The following PCDHGA5 variants were observed in gnomAD, a reference collection of about 807,000 sequenced individuals.
PCDHGA5 encodes the protein protocadherin gamma-A5.
A neutral mutation model predicts 56.7 loss-of-function variants in PCDHGA5; 36 were observed. The ratio of observed to expected loss-of-function variants is 0.64; its 90% confidence interval spans 0.49 to 0.84. PCDHGA5 has a LOEUF of 0.84. PCDHGA5 is among the 40% of genes least tolerant of loss of function. PCDHGA5 has a pLI of 0.00. For synonymous variants in PCDHGA5, 563 were observed against 520.2 expected, an observed-to-expected ratio of 1.08 and a Z score of -1.12; for missense variants, 1,305 against 1,201.5, an observed-to-expected ratio of 1.09 and a Z score of -1.27.
At chr5:141,375,298 G>A in intron 1 of PCDHGA5, 3 of 1,613,794 alleles carry the variant, frequency 1.9e-6, no homozygotes, top group Non-Finnish European at 1.7e-6. Flanking sequence ...ATCGATTAGT[G>A]ACAAATGCAG....
intron 1 of PCDHGA5, chr5:141,375,956 G>T: frequency 1.2e-6 from 2 of 1,613,506 alleles, no homozygotes; most frequent in Non-Finnish European, 1.7e-6. Flanking sequence ...GCACACGGGC[G>T]AGGTGCGCAC....
In PCDHGA5 at chr5:141,365,349, T is replaced by A; in HGVS notation, c.1019T>A (p.Val340Glu). 6.2e-7 allele frequency: 1 copy of A among 1,613,944 alleles called. No homozygotes were observed. The highest frequency in any genetic ancestry group is 8.5e-7 in the Non-Finnish European group (1 of 1,179,894). ...AAGGTGGTGGTCACAGTACAGGACGTGAATGACAATGCCCCCGAAGTGATC... is the reference window on the plus strand; with the variant it reads ...AAGGTGGTGGTCACAGTACAGGACGAGAATGACAATGCCCCCGAAGTGATC... ...SAKVVVTVQD[V>E]NDNAPEVILT... The change falls in exon 1 of 4, where the codon GTG becomes GAG. Residue 340 changes from valine (V) to glutamate (E), a missense_variant. Transcript: ENST00000518069.
rs374663576 is a variant in PCDHGA5, at chr5:141,489,905, G to T, written c.2422-4902G>T. On this transcript the variant is annotated intron_variant, in intron 1 of 3. Coordinates refer to ENST00000518069, the MANE Select transcript of PCDHGA5 (RefSeq NM_018918.3). The surrounding 1 kb of genome is among the most constrained non-coding windows in gnomAD (Gnocchi z 4.5). ...GCTGTGGATGGGGGGACCCCAGCCC[G>T]CTCAGGGACCACCCTTATCTCTGTC... The T allele has an allele frequency of 9.7e-5, 156 of 1,614,226 alleles. 3 individuals are homozygous for T. The South Asian group carries it at 1.6e-3, about 16-fold the overall frequency.
chr5:141,409,988 G>A (rs373071156), intron 1 of PCDHGA5: 43 of 1,613,160 alleles, frequency 2.7e-5, no homozygotes, highest in African/African-American at 5.3e-5. Context: ...AGCGGTGGAC[G>A]CCGACTCGGG....
Position 141,490,709 on chromosome 5 carries a change from C to T in PCDHGA5, c.2422-4098C>T. ...GACACTGGGGATAATGCCCGCCTCA[C>T]CTACTCCATTGTAGGAAATCAGGTT... On this transcript the variant is annotated intron_variant, in intron 1 of 3. Transcript: ENST00000518069. This position sits in a 1 kb window ranked among gnomAD's most constrained non-coding sequence, Gnocchi z 5.4. The T allele has an allele frequency of 1.9e-6, 3 of 1,614,218 alleles. No homozygotes were observed. Among genetic ancestry groups the T allele is most frequent in the Non-Finnish European group, 2.5e-6 (3 of 1,180,038 alleles).
intron 1 of PCDHGA5, among the ~76,000 whole-genome samples, chr5:141,406,616 T>C (rs1226509680): frequency 1.3e-5 from 2 of 152,242 alleles, no homozygotes; most frequent in Non-Finnish European, 2.9e-5. Flanking sequence ...ACATCTTTTA[T>C]TCTCATATCT....
chr5:141,410,835 T>C (rs1360836957), intron 1 of PCDHGA5: 2 of 490,228 alleles, frequency 4.1e-6, no homozygotes, highest in Admixed American at 4.0e-5. Context: ...AGACTGAAGA[T>C]ATTTTGTCTT....
Position 141,486,989 on chromosome 5 carries a change from G to A in PCDHGA5, c.2422-7818G>A. 1.9e-6 allele frequency: 3 copies of A among 1,614,168 alleles called. No individual in the cohort carries two copies. Among genetic ancestry groups the A allele is most frequent in the Non-Finnish European group, 2.5e-6 (3 of 1,180,034 alleles). On this transcript the variant is annotated intron_variant, in intron 1 of 3. Transcript: ENST00000518069. This position sits in a 1 kb window ranked among gnomAD's most constrained non-coding sequence, Gnocchi z 5.0. ...CTTGGATTCAGGTTACAATGCTTGG[G>A]TTTCCTATCAGCTCCTGGAGGCCCC...
chr5:141,384,651 C>T (rs138410124), intron 1 of PCDHGA5: 42,093 of 1,614,188 alleles, frequency 0.026, 638 homozygotes, highest in Non-Finnish European at 0.031. Context: ...CCGCAGAGCC[C>T]GGCTACCTGG....
chr5:141,480,224 T>G (rs2099514647), intron 1 of PCDHGA5, among the ~76,000 whole-genome samples: 1 of 146,584 alleles, frequency 6.8e-6, no homozygotes, highest in Non-Finnish European at 1.5e-5. Context: ...AGCGACATAG[T>G]GAGATCCTGT....
At chr5:141,435,614 C>T (rs1274100711) in intron 1 of PCDHGA5, among the ~76,000 whole-genome samples, 1 of 152,056 alleles carries the variant, frequency 6.6e-6, no homozygotes, top group Non-Finnish European at 1.5e-5. Context: ...ACATTAAATT[C>T]CCCATAACTT....
intron 2 of PCDHGA5, among the ~76,000 whole-genome samples, chr5:141,500,381 T>G (rs1013284512): frequency 7.2e-5 from 11 of 151,786 alleles, no homozygotes; most frequent in African/African-American, 2.7e-4. Flanking sequence ...GCTAATTATT[T>G]TGTATTTTTA....
chr5:141,426,642 G>T, intron 1 of PCDHGA5: 1 of 411,420 alleles, frequency 2.4e-6, no homozygotes, highest in South Asian at 1.7e-5. Context: ...TCACATAAAT[G>T]TGATGATAGA....
chr5:141,455,448 C>T (rs1403500578), intron 1 of PCDHGA5, among the ~76,000 whole-genome samples: 1 of 152,112 alleles, frequency 6.6e-6, no homozygotes, highest in African/African-American at 2.4e-5. Context: ...CCATCTACCG[C>T]GGATACCAGC....
At chr5:141,443,728 C>T (rs1434984241) in intron 1 of PCDHGA5, among the ~76,000 whole-genome samples, 1 of 152,060 alleles carries the variant, frequency 6.6e-6, no homozygotes, top group Admixed American at 6.5e-5. Flanking sequence ...ATTCCTCATA[C>T]ATTTCCCTAT....
intron 1 of PCDHGA5, among the ~76,000 whole-genome samples, chr5:141,466,035 C>T (rs10054619): frequency 0.28 from 42,092 of 151,762 alleles, 6,545 homozygotes; most frequent in African/African-American, 0.42. Flanking sequence ...GGCAGGAGAA[C>T]GGCATGAACC....
intron 1 of PCDHGA5, among the ~76,000 whole-genome samples, chr5:141,438,625 TATATATATATACACACAC>T (rs1351180774): frequency 3.0e-4 from 14 of 46,412 alleles, no homozygotes; most frequent in Middle Eastern, 8.3e-3. Context: ...TATATATATA[TATATATATATACACACAC>T]ACACACACAT....
intron 1 of PCDHGA5, chr5:141,377,686 C>T (rs766172227): frequency 1.1e-4 from 16 of 151,986 alleles, no homozygotes; most frequent in African/African-American, 2.9e-4. Context: ...AGATCTTTCA[C>T]CTTTACTACT....
intron 3 of PCDHGA5, among the ~76,000 whole-genome samples, chr5:141,508,620 G>A (rs1017391751): frequency 2.0e-5 from 3 of 152,070 alleles, no homozygotes; most frequent in East Asian, 1.9e-4. Context: ...GACGTGGGTG[G>A]GCCGAGCTTC....
Sources: allele counts gnomAD v4.1 joint callset (sites outside exome capture counted in the v4.1 genomes callset), GRCh38; gene constraint gnomAD v4.1.1; non-coding constraint Gnocchi (gnomAD v3.1); transcripts MANE v1.5; gene names NCBI Gene and HGNC (gene_info 2026-07-23, HGNC 2026-07-21).